The following RRN3 variants were observed in gnomAD, a reference collection of about 807,000 sequenced individuals.
RRN3 encodes RNA polymerase I-specific transcription initiation factor RRN3.
RRN3 carries 38 observed loss-of-function variants against 82.3 expected under a neutral mutation model. The ratio of observed to expected loss-of-function variants is 0.46; its 90% CI spans 0.36 to 0.61. The LOEUF is 0.61. Ranked by LOEUF, RRN3 falls within the 20% of genes least tolerant of loss-of-function variation. The pLI is 0.00. For missense variants in RRN3, 726 were observed against 793.1 expected (o/e 0.92, Z 1.02); for synonymous variants, 284 against 284.3 (o/e 1.00, Z 0.01).
intron 9 of RRN3, among the ~76,000 whole-genome samples, chr16:15,079,487 A>T (rs886813932): frequency 3.9e-5 from 6 of 152,200 alleles, no homozygotes; most frequent in African/African-American, 1.4e-4. Flanking sequence ...TTGGATAACT[A>T]TGTATTTAAC....
intron 3 of RRN3, among the ~76,000 whole-genome samples, chr16:15,088,018 G>A (rs1446095852): frequency 6.6e-6 from 1 of 152,080 alleles, no homozygotes; most frequent in Non-Finnish European, 1.5e-5. Context: ...GGAGGCTGAG[G>A]CAGGAGAATT....
At chr16:15,076,740 G>A in intron 9 of RRN3, 90 bp from the exon 10 acceptor site, 2 of 875,140 alleles carry the variant, frequency 2.3e-6, no homozygotes, top group Admixed American at 4.0e-5. Context: ...ATATACGCAT[G>A]TTCAAGGTGT....
chr16:15,089,435 A>G (rs2046031252), intron 3 of RRN3, among the ~76,000 whole-genome samples: 1 of 152,198 alleles, frequency 6.6e-6, no homozygotes, highest in Non-Finnish European at 1.5e-5. Flanking sequence ...ACAGAGTGAG[A>G]AAAGAGTCAA....
At chr16:15,079,291 C>A (rs1016629635) in intron 9 of RRN3, among the ~76,000 whole-genome samples, 6 of 152,170 alleles carry the variant, frequency 3.9e-5, no homozygotes, top group Non-Finnish European at 7.4e-5. Flanking sequence ...TCCCACTGCA[C>A]CTTAGTGCGG....
In RRN3 at chr16:15,063,186, A is replaced by G. The variant is rs983951283; in HGVS notation, c.1794+10T>C. On this transcript the variant is annotated intron_variant, in intron 17 of 17. Transcript: ENST00000198767. Reference sequence around the variant, plus strand: ...ATTCCGAGAGTGTGCTCAATCAATCACAAACTGACCTTTTTCATGGGTTTC... The same window carrying G: ...ATTCCGAGAGTGTGCTCAATCAATCGCAAACTGACCTTTTTCATGGGTTTC... 1.4e-5 allele frequency: 22 copies of G among 1,576,702 alleles called. No individual in the cohort carries two copies. The highest frequency in any genetic ancestry group is 1.2e-4 in the African/African-American group (9 of 74,132).
intron 15 of RRN3, among the ~76,000 whole-genome samples, chr16:15,066,397 T>C (rs2044974660): frequency 6.6e-6 from 1 of 150,464 alleles, no homozygotes; most frequent in African/African-American, 2.4e-5. Context: ...CTTTGGGAGG[T>C]TGAGGCAGGC....
In RRN3 at chr16:15,063,109, C is replaced by A. The variant is rs1597865596; in HGVS notation, c.1794+87G>T. The A allele has an allele frequency of 4.0e-6, 4 of 994,856 alleles. No homozygotes were observed. The East Asian group carries it at 9.5e-5, about 24-fold the overall frequency. The allele number at this position is 994,856 out of a possible 1,614,324, so 61.6% of individuals were successfully genotyped here. On this transcript the variant is annotated intron_variant, in intron 17 of 17. Coordinates refer to ENST00000198767, the MANE Select transcript of RRN3 (RefSeq NM_018427.5). Reference sequence around the variant, plus strand: ...CCCCCTAAAGTGCGGGGATTACACGCACGAACGACTTGCCACTTACTATCT... The same window carrying A: ...CCCCCTAAAGTGCGGGGATTACACGAACGAACGACTTGCCACTTACTATCT...
intron 16 of RRN3, 129 bp from the exon 17 acceptor site, chr16:15,063,412 A>G (rs1317885751): frequency 2.6e-6 from 2 of 762,824 alleles, no homozygotes; most frequent in East Asian, 2.6e-5. Context: ...AAATAATTAC[A>G]TTTAAAAAAA....
chr16:15,086,484 T>C, intron 3 of RRN3, 30 bp from the exon 4 acceptor site: 2 of 1,609,226 alleles, frequency 1.2e-6, no homozygotes, highest in Non-Finnish European at 1.7e-6. Flanking sequence ...ACTTTCAAAA[T>C]CACAAATCCT....
intron 7 of RRN3, 80 bp downstream of exon 7, chr16:15,084,562 A>C (rs368911099): frequency 9.8e-7 from 1 of 1,022,426 alleles, no homozygotes. Flanking sequence ...CTTTAATACT[A>C]TTAACATTTT....
At chr16:15,067,761 T>A (rs533158494) in intron 15 of RRN3, among the ~76,000 whole-genome samples, 88 of 152,128 alleles carry the variant, frequency 5.8e-4, no homozygotes, top group African/African-American at 2.1e-3. Context: ...GACTGGGTTG[T>A]TTTTGTTTGT....
chr16:15,082,343 T>C (rs1460771678), intron 8 of RRN3, among the ~76,000 whole-genome samples: 1 of 152,128 alleles, frequency 6.6e-6, no homozygotes, highest in Non-Finnish European at 1.5e-5. Flanking sequence ...TTTGTTCTAT[T>C]GCTACAAAAT....
chr16:15,094,129 G>T lies in RRN3; in HGVS notation c.89+16C>A. 6.3e-7 allele frequency: 1 copy of T among 1,584,706 alleles called. No individual in the cohort carries two copies. Among genetic ancestry groups the T allele is most frequent in the Non-Finnish European group, 8.6e-7 (1 of 1,164,002 alleles). On this transcript the variant is annotated intron_variant, in intron 1 of 17. Transcript: ENST00000198767. ...TTTCGTCCCAGATACGCAGAAGGAA[G>T]CGGCCTGAATCTTACCCAGTCCTCG... is the stretch of plus-strand genomic sequence containing the variant.
intron 12 of RRN3, among the ~76,000 whole-genome samples, chr16:15,071,946 G>T (rs1261846208): frequency 6.6e-6 from 1 of 152,124 alleles, no homozygotes; most frequent in Non-Finnish European, 1.5e-5. Context: ...GGGCACTCCT[G>T]TGAGTGCAAA....
At chr16:15,093,842 A>T (rs1328694958) in intron 1 of RRN3, 1 of 433,594 alleles carries the variant, frequency 2.3e-6, no homozygotes, top group Non-Finnish European at 4.1e-6. Flanking sequence ...ATTTGGACGA[A>T]GAAGAGGGAA....
intron 9 of RRN3, 128 bp from the exon 10 acceptor site, chr16:15,076,778 A>G: frequency 1.5e-6 from 1 of 657,574 alleles, no homozygotes; most frequent in South Asian, 1.8e-5. Flanking sequence ...ATCACACCCC[A>G]ACACAATACA....
At chr16:15,085,326 C>T (rs1441003210) in intron 6 of RRN3, among the ~76,000 whole-genome samples, 1 of 149,826 alleles carries the variant, frequency 6.7e-6, no homozygotes, top group African/African-American at 2.4e-5. Context: ...CTGTGCTTTA[C>T]TTTTTTTTTT....
chr16:15,084,697 C>G lies in RRN3; in HGVS notation c.541G>C (p.Ala181Pro). ...GCTCTGTGACATGTGTCAAAATTTGCAGGAAGATCTGAAAGGAGAAAAGTT... is the reference window on the plus strand; with the variant it reads ...GCTCTGTGACATGTGTCAAAATTTGGAGGAAGATCTGAAAGGAGAAAAGTT... ...DSDDEDDNLP[A>P]NFDTCHRALQ... Residue 181 changes from alanine (A) to proline (P), a missense_variant, in exon 7 of 18, where the codon GCA becomes CCA. Around this residue, in one of 4 missense-constraint regions of RRN3, gnomAD observed 344 missense variants for 394.5 expected, o/e 0.87. Coordinates refer to ENST00000198767, the MANE Select transcript of RRN3 (RefSeq NM_018427.5). 1 of 1,612,376 alleles carries G rather than the reference C, an allele frequency of 6.2e-7. No individual in the cohort carries two copies. The highest frequency in any genetic ancestry group is 8.5e-7 in the Non-Finnish European group (1 of 1,178,626).
intron 3 of RRN3, 134 bp from the exon 4 acceptor site, chr16:15,086,588 C>T: frequency 7.5e-7 from 1 of 1,338,568 alleles, no homozygotes; most frequent in Non-Finnish European, 1.0e-6. Context: ...GAACTCAAAA[C>T]TGGGTATTAA....
Sources: gnomAD v4.1 joint callset for allele counts (sites outside exome capture counted in the v4.1 genomes callset) on GRCh38, gnomAD v4.1.1 for gene constraint, gnomAD v4.1.1 regional missense constraint, MANE v1.5 for transcripts, NCBI Gene and HGNC (gene_info 2026-07-23, HGNC 2026-07-21) for gene names.